Variants in CAMKMT observed in about 807,000 individuals in gnomAD.
The protein encoded by CAMKMT is calmodulin-lysine N-methyltransferase.
A neutral mutation model predicts 48.0 loss-of-function variants in CAMKMT; 53 were observed. The observed-to-expected ratio is 1.10, with a 90% CI of 0.89 to 1.39. The LOEUF (loss-of-function observed/expected upper bound fraction) is 1.39, where lower values mean the gene tolerates loss of function less well. Among genes scored for constraint, CAMKMT ranks in the 40% most tolerant of loss-of-function variants. The probability of loss-of-function intolerance (pLI) is 0.00; values close to 1 mark genes in which losing one functional copy is unlikely to be tolerated. For synonymous variants in CAMKMT, 165 were observed against 152.3 expected (o/e 1.08, Z -0.61); for missense variants, 428 against 402.7 (o/e 1.06, Z -0.54).
intron 1 of CAMKMT, among the ~76,000 whole-genome samples, chr2:44,366,143 C>T (rs1678568186): frequency 6.6e-6 from 1 of 152,174 alleles, no homozygotes; most frequent in Non-Finnish European, 1.5e-5. Flanking sequence ...CGTTAACTCC[C>T]TTTCAGCTCT....
At chr2:44,759,835 C>T (rs1055686723) in intron 9 of CAMKMT, among the ~76,000 whole-genome samples, 1 of 152,150 alleles carries the variant, frequency 6.6e-6, no homozygotes, top group Non-Finnish European at 1.5e-5. Flanking sequence ...AATCTCTGCC[C>T]CCAAAGACGT....
chr2:44,757,041 A>G (rs1381033280), intron 9 of CAMKMT, among the ~76,000 whole-genome samples: 1 of 152,252 alleles, frequency 6.6e-6, no homozygotes, highest in Non-Finnish European at 1.5e-5. Flanking sequence ...AGGCAAGGCT[A>G]GTGCCCACCT....
Position 44,456,661 on chromosome 2 carries a change from A to G in CAMKMT, c.376+66356A>G, listed in dbSNP as rs139723018. 7.7e-4 allele frequency: 1,177 copies of G among 1,528,324 alleles called. 17 individuals are homozygous for G. The African/African-American group carries it at 0.014, about 18-fold the overall frequency. The allele number at this position is 1,528,324 out of a possible 1,614,324, so 94.7% of individuals were successfully genotyped here. On this transcript the variant is annotated intron_variant, in intron 3 of 10. Coordinates refer to ENST00000378494, the MANE Select transcript of CAMKMT (RefSeq NM_024766.5). ...AAATATGCCTGGGGAGATGGGACTT[A>G]TAAGAAAAGATGTTTTGGCCAAGGC...
intron 3 of CAMKMT, among the ~76,000 whole-genome samples, chr2:44,464,977 A>G (rs1045433922): frequency 1.3e-5 from 2 of 152,210 alleles, no homozygotes; most frequent in African/African-American, 4.8e-5. Context: ...CTTAATTCCA[A>G]AGTGATTCCA....
chr2:44,443,198 T>C (rs1452650619), intron 3 of CAMKMT, among the ~76,000 whole-genome samples: 1 of 152,204 alleles, frequency 6.6e-6, no homozygotes, highest in Non-Finnish European at 1.5e-5. Flanking sequence ...TGTATGGTAA[T>C]CTAATGGCAT....
intron 3 of CAMKMT, chr2:44,393,456 C>A (rs1295085019): frequency 1.3e-5 from 2 of 152,106 alleles, no homozygotes; most frequent in African/African-American, 2.4e-5. Flanking sequence ...ACCCAACCTT[C>A]TTTTTATATA....
At chr2:44,488,874 TGTG>T (rs1246379184) in intron 3 of CAMKMT, among the ~76,000 whole-genome samples, 7 of 149,166 alleles carry the variant, frequency 4.7e-5, no homozygotes, top group African/African-American at 1.5e-4. Context: ...TGTGTGTGTG[TGTG>T]TTTTAAGAAA....
At chr2:44,546,853 A>G (rs1667438499) in intron 3 of CAMKMT, among the ~76,000 whole-genome samples, 1 of 152,310 alleles carries the variant, frequency 6.6e-6, no homozygotes, top group Non-Finnish European at 1.5e-5. Context: ...CCTAATGCTG[A>G]TACAGTGTAG....
At chr2:44,412,225 C>T (rs1035424350) in intron 3 of CAMKMT, among the ~76,000 whole-genome samples, 1 of 152,152 alleles carries the variant, frequency 6.6e-6, no homozygotes, top group African/African-American at 2.4e-5. Context: ...CCCTGCGATG[C>T]CTGTTCTACT....
intron 3 of CAMKMT, among the ~76,000 whole-genome samples, chr2:44,491,361 A>G (rs1167138296): frequency 1.3e-5 from 2 of 152,126 alleles, no homozygotes; most frequent in Admixed American, 6.6e-5. Flanking sequence ...TAATTATCAT[A>G]TGTGCCTAAA....
At chr2:44,614,953 T>TTTTTTTTTTTTTTTTTTTC (rs1459090690) in intron 3 of CAMKMT, among the ~76,000 whole-genome samples, 1 of 133,418 alleles carries the variant, frequency 7.5e-6, no homozygotes, top group African/African-American at 3.0e-5. Flanking sequence ...TTTTTTTTTT[T>TTTTTTTTTTTTTTTTTTTC]TTTTTTTGAG....
At chr2:44,671,298 C>T (rs952362105) in intron 3 of CAMKMT, among the ~76,000 whole-genome samples, 1 of 152,172 alleles carries the variant, frequency 6.6e-6, no homozygotes, top group African/African-American at 2.4e-5. Context: ...CCTAAATCCC[C>T]AGTCCTATTT....
At chr2:44,733,245 T>C (rs1679176874) in intron 7 of CAMKMT, among the ~76,000 whole-genome samples, 1 of 152,204 alleles carries the variant, frequency 6.6e-6, no homozygotes, top group African/African-American at 2.4e-5. Flanking sequence ...GAATTATCTT[T>C]AAGTGTTTCA....
intron 3 of CAMKMT, among the ~76,000 whole-genome samples, chr2:44,488,035 A>G (rs547570081): frequency 1.6e-4 from 24 of 152,358 alleles, no homozygotes; most frequent in African/African-American, 2.4e-4. Flanking sequence ...AGAGAACTCT[A>G]AAATTGAGGC....
At chr2:44,585,970 T>C (rs968173654) in intron 3 of CAMKMT, among the ~76,000 whole-genome samples, 6 of 152,182 alleles carry the variant, frequency 3.9e-5, no homozygotes, top group Admixed American at 6.5e-5. Context: ...CTGTTCTAAT[T>C]TTACACTACA....
intron 3 of CAMKMT, among the ~76,000 whole-genome samples, chr2:44,693,923 T>C (rs774323193): frequency 1.3e-4 from 20 of 152,218 alleles, no homozygotes; most frequent in Non-Finnish European, 2.4e-4. Flanking sequence ...TGTGATAGGC[T>C]TGATCACTTC....
At chr2:44,403,830 G>A (rs993478871) in intron 3 of CAMKMT, among the ~76,000 whole-genome samples, 27 of 152,106 alleles carry the variant, frequency 1.8e-4, no homozygotes, top group African/African-American at 6.5e-4. Flanking sequence ...ATCTACACTA[G>A]AACAGCATTT....
intron 2 of CAMKMT, among the ~76,000 whole-genome samples, chr2:44,385,445 C>T (rs991655052): frequency 6.6e-6 from 1 of 152,042 alleles, no homozygotes; most frequent in Admixed American, 6.6e-5. Flanking sequence ...AGTTTGACTT[C>T]CTCTTTACTG....
At chr2:44,608,145 T>G (rs1264642397) in intron 3 of CAMKMT, among the ~76,000 whole-genome samples, 1 of 145,524 alleles carries the variant, frequency 6.9e-6, no homozygotes, top group Non-Finnish European at 1.5e-5. Context: ...GCATCTCGGC[T>G]CACTGCAAGC....
Sources: gnomAD v4.1 joint callset for allele counts (sites outside exome capture counted in the v4.1 genomes callset) on GRCh38, gnomAD v4.1.1 for gene constraint, MANE v1.5 for transcripts, NCBI Gene and HGNC (gene_info 2026-07-23, HGNC 2026-07-21) for gene names.